The following SOX5 variants were observed in gnomAD, a reference collection of about 807,000 sequenced individuals.
SOX5 encodes transcription factor SOX-5.
SOX5 carries 9 observed loss-of-function variants against 92.0 expected under a neutral mutation model. The observed-to-expected ratio is 0.10, with a 90% CI of 0.06 to 0.17. The LOEUF is 0.17. Among genes scored for constraint, SOX5 ranks in the 10% least tolerant of loss-of-function variants. The pLI is 1.00. For missense variants in SOX5, 642 were observed against 944.5 expected (o/e 0.68, Z 4.20); for synonymous variants, 344 against 336.3 (o/e 1.02, Z -0.25).
intron 4 of SOX5, among the ~76,000 whole-genome samples, chr12:24,010,627 T>G (rs935810261): frequency 6.6e-6 from 1 of 152,154 alleles, no homozygotes; most frequent in Non-Finnish European, 1.5e-5. Flanking sequence ...GGAGAATCTT[T>G]CTTTAAAAAT....
rs144504580 is a variant in SOX5, at chr12:23,704,037, T to C, written c.810+30647A>G. ...TAATACGATTTCTAAAAGTCAGTCT[T>C]AGATAATACTATAACAGCAGTAGAC... On this transcript the variant is annotated intron_variant, in intron 6 of 14. Transcript: ENST00000451604. Among the ~76,000 whole-genome samples, 29 of 152,088 alleles carry C rather than the reference T, an allele frequency of 1.9e-4. No individual in the cohort carries two copies. The East Asian group carries it at 4.2e-3, about 22-fold the overall frequency.
rs566189174 is a variant in SOX5, at chr12:24,352,830, A to G, written c.-174+15733T>C. On this transcript the variant is annotated intron_variant, in intron 2 of 4. Coordinates refer to the SOX5 transcript ENST00000446891. ...CCCCTTGGCCATGCTTCAGCCTAGA[A>G]TTGCACACTCCAGTGGTGAAATATG... Among the ~76,000 whole-genome samples, 7 of 152,280 alleles carry G rather than the reference A, an allele frequency of 4.6e-5. No individual in the cohort carries two copies. In the South Asian group the frequency reaches 1.5e-3, roughly 32 times the overall value.
At chr12:24,367,188 C>T (rs1956260921) in intron 2 of SOX5, among the ~76,000 whole-genome samples, 1 of 152,082 alleles carries the variant, frequency 6.6e-6, no homozygotes, top group South Asian at 2.1e-4. Flanking sequence ...GAAGCACTTG[C>T]CACTTCCTAT....
chr12:24,505,832 T>TGTGTGTGTGTGTGTGTGTGTGTGC (rs1566333895), intron 1 of SOX5, among the ~76,000 whole-genome samples: 1 of 134,138 alleles, frequency 7.5e-6, no homozygotes, highest in African/African-American at 2.9e-5. Context: ...GCTTGGTATG[T>TGTGTGTGTGTGTGTGTGTGTGTGC]GTGTGTGTGT....
intron 3 of SOX5, among the ~76,000 whole-genome samples, chr12:23,784,853 G>C (rs909041434): frequency 6.6e-6 from 1 of 152,118 alleles, no homozygotes; most frequent in Non-Finnish European, 1.5e-5. Context: ...AAGGTGGGAG[G>C]AATGCTTGAG....
At chr12:23,660,370 T>C (rs2082876493) in intron 7 of SOX5, among the ~76,000 whole-genome samples, 1 of 152,164 alleles carries the variant, frequency 6.6e-6, no homozygotes, top group African/African-American at 2.4e-5. Flanking sequence ...TATTACACCA[T>C]TGTGTAGATA....
intron 4 of SOX5, among the ~76,000 whole-genome samples, chr12:24,002,869 T>C (rs1341682925): frequency 7.6e-6 from 1 of 131,404 alleles, no homozygotes; most frequent in Non-Finnish European, 1.7e-5. Context: ...AAAAACATCA[T>C]AAGAAAAGAA....
At chr12:23,953,695 G>A (rs1481504361), upstream of SOX5, among the ~76,000 whole-genome samples, 1 of 151,910 alleles carries the variant, frequency 6.6e-6, no homozygotes, top group African/African-American at 2.4e-5. Flanking sequence ...AAAAGCAAAT[G>A]AACAAAACAT....
At chr12:24,397,610 G>A (rs1960374271) in intron 1 of SOX5, among the ~76,000 whole-genome samples, 1 of 151,766 alleles carries the variant, frequency 6.6e-6, no homozygotes, top group African/African-American at 2.4e-5. Flanking sequence ...AGTTTATACA[G>A]TTTTAGAAAG....
At chr12:24,169,943 G>C (rs1593860996) in intron 4 of SOX5, among the ~76,000 whole-genome samples, 4 of 152,268 alleles carry the variant, frequency 2.6e-5, no homozygotes, top group South Asian at 2.1e-4. Context: ...GAATTCGTTA[G>C]GTGTATTGTT....
At chr12:23,993,146 G>A (rs1950716260) in intron 4 of SOX5, among the ~76,000 whole-genome samples, 6 of 152,074 alleles carry the variant, frequency 3.9e-5, no homozygotes, top group Admixed American at 3.3e-4. Context: ...TGGTCTATAG[G>A]CTACAGATCT....
chr12:24,497,273 A>C (rs1947736415), intron 1 of SOX5, among the ~76,000 whole-genome samples: 1 of 152,220 alleles, frequency 6.6e-6, no homozygotes, highest in Non-Finnish European at 1.5e-5. Context: ...AGGGGAAAAA[A>C]AGCAGAAATT....
At position 24,374,315 on chromosome 12, in the gene SOX5, T is replaced by G. The variant is rs550320314; in HGVS notation, c.-250-5676A>C. ...GTGGCAGCGAGAGCACAGGACTGTC[T>G]GGGAATCCCTGTTTTTAGTCTTGTG... On this transcript the variant is annotated intron_variant, in intron 1 of 4. Coordinates refer to the SOX5 transcript ENST00000446891. 3.1e-4 allele frequency among the ~76,000 whole-genome samples: 47 copies of G among 152,234 alleles called. No individual in the cohort carries two copies. The South Asian group carries it at 4.2e-3, about 13-fold the overall frequency.
intron 6 of SOX5, among the ~76,000 whole-genome samples, chr12:23,701,128 G>A (rs1283045930): frequency 6.6e-6 from 1 of 151,810 alleles, no homozygotes; most frequent in Non-Finnish European, 1.5e-5. Flanking sequence ...ATTTGAGTTG[G>A]CTTATTTCGA....
At chr12:23,893,488 C>A (rs568479128) in intron 2 of SOX5, among the ~76,000 whole-genome samples, 1 of 152,142 alleles carries the variant, frequency 6.6e-6, no homozygotes, top group South Asian at 2.1e-4. Flanking sequence ...TAACTACCTA[C>A]ATTACAGCAT....
chr12:24,256,594 C>T (rs914171645), intron 3 of SOX5, among the ~76,000 whole-genome samples: 4 of 143,344 alleles, frequency 2.8e-5, no homozygotes, highest in Admixed American at 2.2e-4. Context: ...GCCTTTCTTT[C>T]ACCAAATTGG....
intron 9 of SOX5, among the ~76,000 whole-genome samples, chr12:23,578,144 A>AAAAAAAAAAAAAAAAAAAAAAAAAG (rs1432589481): frequency 2.2e-5 from 3 of 134,908 alleles, no homozygotes; most frequent in Non-Finnish European, 4.9e-5. Flanking sequence ...AAAAAAAAAA[A>AAAAAAAAAAAAAAAAAAAAAAAAAG]AAAAAACTAT....
intron 2 of SOX5, among the ~76,000 whole-genome samples, chr12:24,353,820 T>C (rs999078050): frequency 7.9e-5 from 12 of 151,842 alleles, no homozygotes; most frequent in Non-Finnish European, 1.5e-4. Context: ...TTTGTATTTT[T>C]AGTAGAGACA....
Position 23,539,970 on chromosome 12 carries a change from A to G in SOX5, c.1771+3241T>C, listed in dbSNP as rs114886834. Reference sequence around the variant, plus strand: ...AACCTTGAATTAGCTTAACCAACTGACAAGTTTGGTTTTGATTTCAATGGC... The same window carrying G: ...AACCTTGAATTAGCTTAACCAACTGGCAAGTTTGGTTTTGATTTCAATGGC... On this transcript the variant is annotated intron_variant, in intron 13 of 14. Coordinates refer to ENST00000451604, the MANE Select transcript of SOX5 (RefSeq NM_006940.6). 3.9e-3 allele frequency among the ~76,000 whole-genome samples: 587 copies of G among 152,204 alleles called. 1 individual carries two copies. The highest frequency in any genetic ancestry group is 0.014 in the African/African-American group (565 of 41,516).
Sources: gnomAD v4.1 joint callset for allele counts (sites outside exome capture counted in the v4.1 genomes callset) on GRCh38, gnomAD v4.1.1 for gene constraint, MANE v1.5 for transcripts, NCBI Gene and HGNC (gene_info 2026-07-23, HGNC 2026-07-21) for gene names.